The following WHRN variants were observed in gnomAD, a reference collection of about 807,000 sequenced individuals.
WHRN encodes whirlin.
In WHRN, 41 loss-of-function variants were observed where a neutral mutation model predicts 68.3. The ratio of observed to expected loss-of-function variants is 0.60; its 90% CI spans 0.47 to 0.78. The LOEUF is 0.78. Ranked by LOEUF, WHRN falls within the 30% of genes least tolerant of loss-of-function variation. The pLI, the probability that WHRN is intolerant of heterozygous loss-of-function variation, is 0.00. For missense variants in WHRN, 1,243 were observed against 1,244.7 expected (o/e 1.00, Z 0.02); for synonymous variants, 560 against 561.3 (o/e 1.00, Z 0.03).
chr9:114,406,130 T>G (rs1216374762), intron 9 of WHRN, among the ~76,000 whole-genome samples: 2 of 152,140 alleles, frequency 1.3e-5, no homozygotes, highest in Non-Finnish European at 2.9e-5. Flanking sequence ...TATCTCCATT[T>G]TATGATGGGG....
rs1322598374 is a variant in WHRN, at chr9:114,424,553, G to C, written c.1204-7C>G. On this transcript the variant is annotated splice_polypyrimidine_tract_variant and splice_region_variant and intron_variant, in intron 5 of 11. Coordinates refer to ENST00000362057, the MANE Select transcript of WHRN (RefSeq NM_015404.4). ...GGCCCTTGTAAAATCCTGGCTGCAA[G>C]ACAGAAAGATAGAAGCCCAGGAATT... 6.2e-7 allele frequency: 1 copy of C among 1,606,754 alleles called. No individual in the cohort carries two copies. The highest frequency in any genetic ancestry group is 2.3e-5 in the East Asian group (1 of 44,436).
chr9:114,474,344 T>C (rs1841477656), intron 2 of WHRN, among the ~76,000 whole-genome samples: 2 of 152,182 alleles, frequency 1.3e-5, no homozygotes, highest in South Asian at 4.1e-4. Flanking sequence ...GGTCTTTGCA[T>C]ACCTAGAATT....
At position 114,410,597 on chromosome 9, in the gene WHRN, C is replaced by T. The variant is rs572043680; in HGVS notation, c.1627-2579G>A. On this transcript the variant is annotated intron_variant, in intron 7 of 11. Transcript: ENST00000362057. Reference sequence around the variant, plus strand: ...AGTCATGCCACACATATCCCCATCTCGACCCACAAGATGCTGGCTCGGGCC... The same window carrying T: ...AGTCATGCCACACATATCCCCATCTTGACCCACAAGATGCTGGCTCGGGCC... Among the ~76,000 whole-genome samples the T allele has an allele frequency of 1.1e-4, 17 of 152,344 alleles. No homozygotes were observed. The East Asian group carries it at 1.2e-3, about 10-fold the overall frequency.
At chr9:114,473,142 G>A (rs1057121483) in intron 2 of WHRN, among the ~76,000 whole-genome samples, 1 of 152,240 alleles carries the variant, frequency 6.6e-6, no homozygotes, top group Non-Finnish European at 1.5e-5. Flanking sequence ...TCACTGCAGA[G>A]TAAGGGGCCG....
intron 3 of WHRN, among the ~76,000 whole-genome samples, chr9:114,448,994 G>A (rs1839076354): frequency 6.6e-6 from 1 of 152,180 alleles, no homozygotes; most frequent in Admixed American, 6.5e-5. Context: ...AAGGTCCCTT[G>A]GGAATCTGTA....
chr9:114,450,842 A>AAAG (rs1839265047), intron 3 of WHRN, among the ~76,000 whole-genome samples: 1 of 151,446 alleles, frequency 6.6e-6, no homozygotes, highest in African/African-American at 2.4e-5. Flanking sequence ...CCCGCAAAAA[A>AAAG]ATACTTTCTG....
chr9:114,496,667 G>C (rs1346173797), intron 1 of WHRN, among the ~76,000 whole-genome samples: 1 of 152,198 alleles, frequency 6.6e-6, no homozygotes, highest in African/African-American at 2.4e-5. Flanking sequence ...CCAGATTTCT[G>C]ATGTTCAACA....
intron 3 of WHRN, among the ~76,000 whole-genome samples, chr9:114,463,265 C>T (rs10982229): frequency 0.27 from 40,517 of 152,092 alleles, 5,597 homozygotes; most frequent in Admixed American, 0.31. Flanking sequence ...CTGTGTCCTG[C>T]CTGTAGCTGG....
chr9:114,504,117 G>A (rs1564246453), intron 1 of WHRN, 67 bp downstream of exon 1: 13 of 1,608,080 alleles, frequency 8.1e-6, no homozygotes, highest in Non-Finnish European at 2.5e-6. Context: ...ACAGCATGGA[G>A]TTACTGAAAA....
At chr9:114,461,606 C>T (rs1170450913) in intron 3 of WHRN, among the ~76,000 whole-genome samples, 1 of 152,242 alleles carries the variant, frequency 6.6e-6, no homozygotes, top group Non-Finnish European at 1.5e-5. Flanking sequence ...CATGGGCCTT[C>T]CTCTGCACAC....
At chr9:114,497,682 T>G (rs989357345) in intron 1 of WHRN, among the ~76,000 whole-genome samples, 1 of 152,180 alleles carries the variant, frequency 6.6e-6, no homozygotes, top group African/African-American at 2.4e-5. Flanking sequence ...GGATGTGGTT[T>G]GAAAATTAAG....
At chr9:114,426,028 G>A (rs930666628) in intron 4 of WHRN, 183 bp downstream of exon 4, 2 of 722,936 alleles carry the variant, frequency 2.8e-6, no homozygotes, top group Admixed American at 2.2e-5. Flanking sequence ...GCTTTCCATG[G>A]GGAAACTGAG....
At chr9:114,431,972 G>C (rs553214069) in intron 3 of WHRN, among the ~76,000 whole-genome samples, 13 of 152,348 alleles carry the variant, frequency 8.5e-5, no homozygotes, top group African/African-American at 2.9e-4. Flanking sequence ...GGAGAGACAG[G>C]TGCCAAGTGT....
chr9:114,431,967 G>A (rs1427176275), intron 3 of WHRN, among the ~76,000 whole-genome samples: 1 of 152,242 alleles, frequency 6.6e-6, no homozygotes, highest in Non-Finnish European at 1.5e-5. Flanking sequence ...AGATAGGAGA[G>A]ACAGGTGCCA....
intron 7 of WHRN, among the ~76,000 whole-genome samples, chr9:114,421,102 T>C (rs1307863484): frequency 6.6e-6 from 1 of 152,140 alleles, no homozygotes; most frequent in African/African-American, 2.4e-5. Flanking sequence ...GGGGAAAACC[T>C]TTAGGACCAC....
intron 1 of WHRN, among the ~76,000 whole-genome samples, chr9:114,495,200 C>G (rs1433100482): frequency 6.6e-6 from 1 of 152,256 alleles, no homozygotes; most frequent in African/African-American, 2.4e-5. Context: ...GGCGTCTGCC[C>G]TGCAGGCTCC....
intron 3 of WHRN, among the ~76,000 whole-genome samples, chr9:114,433,343 C>T (rs138739805): frequency 1.1e-3 from 173 of 152,272 alleles, no homozygotes; most frequent in Admixed American, 4.0e-3. Flanking sequence ...AGCTGGGAGA[C>T]GGGAATCCAT....
rs1404205525 is a variant in WHRN, at chr9:114,504,211, G to A, written c.591C>T (p.Ala197=). Reference sequence around the variant, plus strand: ...TGACGGCCTCCGCGTGGGTCACCCGGGCCAGGGATTTGTCGTTGACGCGCA... The same window carrying A: ...TGACGGCCTCCGCGTGGGTCACCCGAGCCAGGGATTTGTCGTTGACGCGCA... ...QILRVNDKSL[A]RVTHAEAVKA... is the part of the protein sequence containing the mutation. Residue 197 remains alanine, a synonymous_variant, in exon 1 of 12, where the codon GCC becomes GCT. Transcript: ENST00000362057. 9 of 1,614,142 alleles carry A rather than the reference G, an allele frequency of 5.6e-6. No individual in the cohort carries two copies. Among genetic ancestry groups the A allele is most frequent in the Non-Finnish European group, 6.8e-6 (8 of 1,180,034 alleles).
intron 1 of WHRN, among the ~76,000 whole-genome samples, chr9:114,499,728 G>A (rs1044675961): frequency 3.3e-5 from 5 of 152,260 alleles, no homozygotes; most frequent in African/African-American, 2.4e-5. Flanking sequence ...TGTACCGCTG[G>A]TGCGGCTGCC....
Sources: gnomAD v4.1 joint callset for allele counts (sites outside exome capture counted in the v4.1 genomes callset) on GRCh38, gnomAD v4.1.1 for gene constraint, MANE v1.5 for transcripts, NCBI Gene and HGNC (gene_info 2026-07-23, HGNC 2026-07-21) for gene names.